Variants in NRG1 observed in about 807,000 individuals in gnomAD.
The protein encoded by NRG1 is pro-neuregulin-1, membrane-bound isoform.
A neutral mutation model predicts 63.8 loss-of-function variants in NRG1; 18 were observed. The ratio of observed to expected loss-of-function variants is 0.28; its 90% CI spans 0.19 to 0.42. The LOEUF (loss-of-function observed/expected upper bound fraction) is 0.42, where lower values mean the gene tolerates loss of function less well. NRG1 is among the 10% of genes least tolerant of loss of function. The pLI is 1.00. For missense variants in NRG1, 762 were observed against 814.7 expected, an observed-to-expected ratio of 0.94 and a Z score of 0.79; for synonymous variants, 302 against 301.3, an observed-to-expected ratio of 1.00 and a Z score of -0.02.
intron 1 of NRG1, among the ~76,000 whole-genome samples, chr8:31,691,593 T>C (rs369057212): frequency 1.2e-4 from 1 of 8,106 alleles, no homozygotes; most frequent in Non-Finnish European, 2.7e-4. Context: ...AGACTCTGTC[T>C]CAAAAAAAAA....
At chr8:32,087,507 ACTGTCACTCTGTCACTCAGG>A (rs567112937) in intron 1 of NRG1, among the ~76,000 whole-genome samples, 3,764 of 24,070 alleles carry the variant, frequency 0.16, 193 homozygotes, top group African/African-American at 0.19. Flanking sequence ...TTTGAGATGG[ACTGTCACTCTGTCACTCAGG>A]CTGGAGTGGA....
At chr8:32,387,579 A>C (rs201459217) in intron 1 of NRG1, among the ~76,000 whole-genome samples, 1 of 152,288 alleles carries the variant, frequency 6.6e-6, no homozygotes, top group East Asian at 1.9e-4. Context: ...TCTTTTTAGG[A>C]AACACCTCCC....
Position 32,398,234 on chromosome 8 carries a change from C to T in NRG1, c.38-197594C>T, listed in dbSNP as rs754153191. On this transcript the variant is annotated intron_variant, in intron 1 of 10. Coordinates refer to the NRG1 transcript ENST00000519301. ...AAAAAAGAAAAGTCCACAGCTCAGCCCCTCCTCTAAAGAGTTGTACAGCGC... is the reference window on the plus strand; with the variant it reads ...AAAAAAGAAAAGTCCACAGCTCAGCTCCTCCTCTAAAGAGTTGTACAGCGC... Among the ~76,000 whole-genome samples, 13 of 152,186 alleles carry T rather than the reference C, an allele frequency of 8.5e-5. No individual in the cohort carries two copies. The East Asian group carries it at 1.5e-3, about 18-fold the overall frequency.
chr8:32,640,916 C>A (rs182153214), intron 5 of NRG1, among the ~76,000 whole-genome samples: 4 of 151,790 alleles, frequency 2.6e-5, no homozygotes, highest in Non-Finnish European at 5.9e-5. Context: ...GTTATGATTG[C>A]ACCATTGCAT....
rs934070041 is a variant in NRG1, at chr8:32,092,378, G to A, written c.37+452947G>A. Among the ~76,000 whole-genome samples the A allele has an allele frequency of 5.5e-5, 8 of 145,940 alleles. No individual in the cohort carries two copies. The East Asian group carries it at 1.7e-3, about 30-fold the overall frequency. ...AGGCTGAGGCAAGAGGATTGCTTGA[G>A]CCCAAGAGTTTAAGGCTGCAGTAAA... On this transcript the variant is annotated intron_variant, in intron 1 of 10. Transcript: ENST00000519301.
At chr8:31,756,001 G>A (rs962574314) in intron 1 of NRG1, among the ~76,000 whole-genome samples, 1 of 152,056 alleles carries the variant, frequency 6.6e-6, no homozygotes, top group African/African-American at 2.4e-5. Context: ...ATTTATTTTA[G>A]CACCTTATTT....
intron 1 of NRG1, among the ~76,000 whole-genome samples, chr8:32,210,216 T>C (rs956772104): frequency 4.6e-5 from 7 of 152,202 alleles, no homozygotes; most frequent in Non-Finnish European, 5.9e-5. Context: ...TGTTTGTTTT[T>C]TGTTTTTTTC....
At chr8:32,092,474 A>G (rs1379663866) in intron 1 of NRG1, among the ~76,000 whole-genome samples, 10 of 151,460 alleles carry the variant, frequency 6.6e-5, no homozygotes, top group Admixed American at 1.3e-4. Context: ...AAAAAAAAAA[A>G]AAAAAGAAAA....
At chr8:32,150,622 T>C (rs1385391337) in intron 1 of NRG1, among the ~76,000 whole-genome samples, 1 of 152,146 alleles carries the variant, frequency 6.6e-6, no homozygotes, top group African/African-American at 2.4e-5. Context: ...CTCCAGACTG[T>C]GATAATTAAA....
intron 1 of NRG1, among the ~76,000 whole-genome samples, chr8:31,714,627 G>A (rs1812166142): frequency 6.6e-6 from 1 of 152,056 alleles, no homozygotes; most frequent in Non-Finnish European, 1.5e-5. Flanking sequence ...ACCACAGTTA[G>A]GAAATAAAAA....
intron 1 of NRG1, among the ~76,000 whole-genome samples, chr8:31,926,958 C>T (rs544802565): frequency 1.3e-5 from 2 of 152,256 alleles, no homozygotes; most frequent in East Asian, 3.9e-4. Flanking sequence ...TCCACACTCT[C>T]TTCTAAAATG....
At chr8:32,773,900 C>G (rs995774278) in intron 7 of NRG1, among the ~76,000 whole-genome samples, 5 of 152,172 alleles carry the variant, frequency 3.3e-5, no homozygotes, top group African/African-American at 1.2e-4. Flanking sequence ...CCCCAATACA[C>G]CACACCAGTG....
chr8:31,951,050 T>G (rs752926767), intron 1 of NRG1, among the ~76,000 whole-genome samples: 20 of 152,226 alleles, frequency 1.3e-4, no homozygotes, highest in Non-Finnish European at 2.5e-4. Flanking sequence ...ATGGTCATAT[T>G]TCGCTCATTT....
At chr8:31,651,813 C>T (rs558574186) in intron 1 of NRG1, among the ~76,000 whole-genome samples, 15 of 152,130 alleles carry the variant, frequency 9.9e-5, no homozygotes, top group South Asian at 4.2e-4. Flanking sequence ...TTAACGTCTC[C>T]GACCCCTGGT....
chr8:32,468,920 A>G (rs16879449), intron 1 of NRG1, among the ~76,000 whole-genome samples: 1,851 of 152,286 alleles, frequency 0.012, 42 homozygotes, highest in African/African-American at 0.042. Context: ...TCATTTATTC[A>G]TTCGATAGAT....
exon 12 of NRG1, chr8:32,765,962 A>C (rs777262827): frequency 2.3e-4 from 35 of 152,228 alleles, no homozygotes; most frequent in Non-Finnish European, 2.9e-4. Flanking sequence ...AACCCATTTC[A>C]TGGCCTGCCT....
chr8:32,580,992 G>A (rs1212874929), intron 1 of NRG1, among the ~76,000 whole-genome samples: 1 of 152,066 alleles, frequency 6.6e-6, no homozygotes, highest in Admixed American at 6.6e-5. Flanking sequence ...ACAATTTTTT[G>A]TGCTCTCAGA....
At chr8:32,058,709 T>C (rs1322541139) in intron 1 of NRG1, among the ~76,000 whole-genome samples, 1 of 152,108 alleles carries the variant, frequency 6.6e-6, no homozygotes, top group Non-Finnish European at 1.5e-5. Context: ...ACTCTCCTTC[T>C]TCTATTAATC....
At chr8:32,707,727 AT>A (rs56757234) in intron 5 of NRG1, among the ~76,000 whole-genome samples, 139,856 of 151,278 alleles carry the variant, frequency 0.92, 65,174 homozygotes, top group Middle Eastern at 1. Context: ...GCATTTTGAG[AT>A]TTTTTTTTTC....
Sources: allele counts gnomAD v4.1 joint callset (sites outside exome capture counted in the v4.1 genomes callset), GRCh38; gene constraint gnomAD v4.1.1; transcripts MANE v1.5; gene names NCBI Gene and HGNC (gene_info 2026-07-23, HGNC 2026-07-21).